The following CNKSR2 variants were observed in gnomAD, a reference collection of about 807,000 sequenced individuals.
The protein encoded by CNKSR2 is CNK homolog protein 2.
In CNKSR2, 14 loss-of-function variants were observed where a neutral mutation model predicts 84.4. That is an observed-to-expected ratio of 0.17 (90% CI 0.11 to 0.26). CNKSR2 has a LOEUF of 0.26. CNKSR2 is among the 10% of genes least tolerant of loss of function. The probability of loss-of-function intolerance (pLI) is 1.00; values close to 1 mark genes in which losing one functional copy is unlikely to be tolerated. For synonymous variants in CNKSR2, 275 were observed against 277.9 expected (o/e 0.99, Z 0.10); for missense variants, 485 against 771.2 (o/e 0.63, Z 4.40).
intron 20 of CNKSR2, among the ~76,000 whole-genome samples, chrX:21,640,262 T>C (rs770532851): frequency 8.9e-6 from 1 of 111,766 alleles, no homozygotes; most frequent in South Asian, 3.8e-4. Context: ...TTGAATTGCT[T>C]AGATAAATTA....
chrX:21,507,654 CAT>C (rs1266745040), intron 8 of CNKSR2, among the ~76,000 whole-genome samples: 1 of 111,368 alleles, frequency 9.0e-6, no homozygotes, highest in Non-Finnish European at 1.9e-5. Flanking sequence ...ATTTTTGTTA[CAT>C]GTCTGCTAGT....
At chrX:21,485,655 T>G (rs1022596108) in intron 5 of CNKSR2, among the ~76,000 whole-genome samples, 13 of 111,779 alleles carry the variant, frequency 1.2e-4, no homozygotes, top group African/African-American at 3.9e-4. Context: ...TGGCTACCCT[T>G]GTCTGTTATT....
At chrX:21,543,631 A>G (rs890007499) in intron 11 of CNKSR2, among the ~76,000 whole-genome samples, 1 of 111,875 alleles carries the variant, frequency 8.9e-6, no homozygotes, top group Non-Finnish European at 1.9e-5. Context: ...GAGGTCAAAT[A>G]GACTTGAATT....
intron 6 of CNKSR2, chrX:21,493,067 TCTC>T (rs1314909427): frequency 8.9e-6 from 1 of 112,059 alleles, no homozygotes; most frequent in African/African-American, 3.2e-5. Flanking sequence ...ACTGATTTGT[TCTC>T]CTGCTGATAA....
intron 20 of CNKSR2, among the ~76,000 whole-genome samples, chrX:21,619,114 T>G (rs1341899381): frequency 8.9e-6 from 1 of 112,277 alleles, no homozygotes; most frequent in African/African-American, 3.2e-5. Flanking sequence ...TCAGATGAGA[T>G]CACTTAAAGA....
intron 11 of CNKSR2, among the ~76,000 whole-genome samples, chrX:21,560,271 G>A (rs1400290814): frequency 9.0e-6 from 1 of 111,023 alleles, no homozygotes; most frequent in Non-Finnish European, 1.9e-5. Context: ...AGAACCTCAA[G>A]AAACTGAAAG....
At chrX:21,589,282 T>C (rs1050956425) in intron 13 of CNKSR2, among the ~76,000 whole-genome samples, 3 of 112,331 alleles carry the variant, frequency 2.7e-5, no homozygotes, top group African/African-American at 9.7e-5. Flanking sequence ...ATTAGACTTA[T>C]ATAAATCATA....
intron 3 of CNKSR2, 33 bp downstream of exon 3, chrX:21,432,847 C>T (rs1158224283): frequency 4.3e-6 from 5 of 1,166,386 alleles, no homozygotes; most frequent in Non-Finnish European, 5.8e-6. Flanking sequence ...TAAGTATCCT[C>T]TCCTCAGACA....
intron 4 of CNKSR2, among the ~76,000 whole-genome samples, chrX:21,463,089 C>T (rs1267517309): frequency 9.0e-6 from 1 of 110,894 alleles, no homozygotes; most frequent in Non-Finnish European, 1.9e-5. Context: ...TGAAATGATC[C>T]TTTGATTTTT....
intron 8 of CNKSR2, chrX:21,503,992 G>A (rs2091585838): frequency 9.0e-6 from 1 of 111,279 alleles, no homozygotes. Flanking sequence ...ATATAATAGA[G>A]ACAAGATAGT....
At chrX:21,521,154 T>A (rs1247999314) in intron 9 of CNKSR2, among the ~76,000 whole-genome samples, 1 of 109,989 alleles carries the variant, frequency 9.1e-6, no homozygotes, top group East Asian at 2.9e-4. Flanking sequence ...TCGTTGTGAC[T>A]GAAAAAAAAA....
chrX:21,386,018 CAAAAAAAAA>C (rs1179082753), intron 1 of CNKSR2, among the ~76,000 whole-genome samples: 12 of 20,457 alleles, frequency 5.9e-4, no homozygotes, highest in African/African-American at 1.8e-3. Flanking sequence ...TGGATGTAGG[CAAAAAAAAA>C]AAAAAAAAAA....
chrX:21,507,700 T>C (rs1327569233), intron 8 of CNKSR2, among the ~76,000 whole-genome samples: 1 of 111,797 alleles, frequency 8.9e-6, no homozygotes, highest in Admixed American at 9.5e-5. Context: ...ATAGCAAAGT[T>C]GTACATTTTT....
chrX:21,463,971 G>A (rs1041716548), intron 4 of CNKSR2, among the ~76,000 whole-genome samples: 1 of 111,917 alleles, frequency 8.9e-6, no homozygotes, highest in African/African-American at 3.2e-5. Context: ...ATCTCAGTAA[G>A]TTGTGTGCCG....
At chrX:21,572,483 A>G (rs111445144) in intron 13 of CNKSR2, among the ~76,000 whole-genome samples, 44 of 112,088 alleles carry the variant, frequency 3.9e-4, no homozygotes, top group African/African-American at 1.3e-3. Context: ...ATAAGGACAT[A>G]CTCAAGACTG....
At chrX:21,469,910 CA>C (rs1371122998) in intron 4 of CNKSR2, among the ~76,000 whole-genome samples, 1 of 111,295 alleles carries the variant, frequency 9.0e-6, no homozygotes, top group African/African-American at 3.3e-5. Context: ...AAAACTGTCT[CA>C]AAAAAAGTAA....
intron 20 of CNKSR2, among the ~76,000 whole-genome samples, chrX:21,640,230 GT>G (rs1384821816): frequency 9.0e-6 from 1 of 111,483 alleles, no homozygotes; most frequent in African/African-American, 3.3e-5. Context: ...CAAAGGATGT[GT>G]TTAGGATAAC....
intron 11 of CNKSR2, among the ~76,000 whole-genome samples, chrX:21,542,838 T>C (rs2091987996): frequency 8.9e-6 from 1 of 112,105 alleles, no homozygotes; most frequent in African/African-American, 3.2e-5. Flanking sequence ...CTTTTCTGAT[T>C]TATTGAAAAT....
chrX:21,594,963 T>C lies in CNKSR2; in HGVS notation c.1831-11T>C. On this transcript the variant is annotated splice_polypyrimidine_tract_variant and intron_variant, in intron 15 of 21. Transcript: ENST00000379510. Reference sequence around the variant, plus strand: ...TATATAATAAACTAACCAAGAGTCTTGGCTCTTCAGGATGAAAAAGCAGAA... The same window carrying C: ...TATATAATAAACTAACCAAGAGTCTCGGCTCTTCAGGATGAAAAAGCAGAA... The C allele has an allele frequency of 8.4e-7, 1 of 1,195,954 alleles. No individual in the cohort carries two copies. The highest frequency in any genetic ancestry group is 1.1e-6 in the Non-Finnish European group (1 of 882,372).
Sources: gnomAD v4.1 joint callset for allele counts (sites outside exome capture counted in the v4.1 genomes callset) on GRCh38, gnomAD v4.1.1 for gene constraint, MANE v1.5 for transcripts, NCBI Gene and HGNC (gene_info 2026-07-23, HGNC 2026-07-21) for gene names.